Variants in FLVCR2 observed in about 807,000 individuals in gnomAD.
FLVCR2 encodes choline/ethanolamine transporter FLVCR2.
Under a neutral mutation model 48.9 loss-of-function variants are expected in FLVCR2, and 38 were observed. That is an observed-to-expected ratio of 0.78 (90% CI 0.60 to 1.02). The LOEUF is 1.02. FLVCR2 is among the 50% of genes least tolerant of loss of function. The pLI is 0.00. For missense variants in FLVCR2, 664 were observed against 663.3 expected (o/e 1.00, Z -0.01); for synonymous variants, 255 against 257.0 (o/e 0.99, Z 0.07).
At chr14:75,616,258 C>T (rs956916609) in intron 1 of FLVCR2, among the ~76,000 whole-genome samples, 7 of 149,014 alleles carry the variant, frequency 4.7e-5, no homozygotes, top group African/African-American at 1.5e-4. Context: ...ACCCAGGAGG[C>T]GGAGGTTGCA....
chr14:75,624,709 G>C lies in FLVCR2; in HGVS notation c.909G>C (p.Arg303=), dbSNP rs200387124. 2.2e-5 allele frequency: 36 copies of C among 1,614,072 alleles called. No homozygotes were observed. The East Asian group carries it at 7.1e-4, about 32-fold the overall frequency. The stretch of plus-strand genomic sequence containing the variant: ...CCTCATACTTAGGTTCCATCGCCCG[G>C]CTCTTCAAAAATCTCAACTTTGTGC... ...PDASYLGSIA[R]LFKNLNFVLL... is the part of the protein sequence containing the mutation. Residue 303 remains arginine, a synonymous_variant, in exon 3 of 10, where the codon CGG becomes CGC. Transcript: ENST00000238667.
intron 1 of FLVCR2, among the ~76,000 whole-genome samples, chr14:75,599,141 C>T (rs2140015994): frequency 6.6e-6 from 1 of 152,268 alleles, no homozygotes. Flanking sequence ...CAAGCCCACC[C>T]AACCAAGAAA....
intron 1 of FLVCR2, among the ~76,000 whole-genome samples, chr14:75,599,890 A>G (rs1394858485): frequency 6.6e-6 from 1 of 152,240 alleles, no homozygotes; most frequent in Non-Finnish European, 1.5e-5. Flanking sequence ...GGTGTTGGGA[A>G]AACTGGATAA....
At chr14:75,581,837 C>T (rs1888617070) in intron 1 of FLVCR2, among the ~76,000 whole-genome samples, 3 of 152,116 alleles carry the variant, frequency 2.0e-5, no homozygotes, top group Admixed American at 2.0e-4. Context: ...GAAGTGATTT[C>T]CTTTAGGATA....
intron 1 of FLVCR2, among the ~76,000 whole-genome samples, chr14:75,606,501 A>C (rs1414152443): frequency 1.3e-5 from 2 of 152,132 alleles, no homozygotes; most frequent in Non-Finnish European, 2.9e-5. Context: ...CTCTGCTGAG[A>C]AGCTAGACAG....
chr14:75,596,190 G>C (rs112062209), intron 1 of FLVCR2: 5 of 722,794 alleles, frequency 6.9e-6, no homozygotes. Context: ...AGTGTGGATA[G>C]TTACTGTGTC....
At chr14:75,625,344 T>C (rs546227824) in intron 3 of FLVCR2, among the ~76,000 whole-genome samples, 3 of 152,096 alleles carry the variant, frequency 2.0e-5, no homozygotes, top group Admixed American at 2.0e-4. Context: ...TTTCATTTGC[T>C]TGGCTCTTGG....
At chr14:75,610,299 T>C (rs1182851713) in intron 1 of FLVCR2, among the ~76,000 whole-genome samples, 1 of 152,174 alleles carries the variant, frequency 6.6e-6, no homozygotes, top group Non-Finnish European at 1.5e-5. Flanking sequence ...GCTGGCCCTT[T>C]GTGGAGTTCA....
intron 1 of FLVCR2, among the ~76,000 whole-genome samples, chr14:75,619,118 G>A (rs1157077933): frequency 2.6e-5 from 4 of 152,054 alleles, no homozygotes; most frequent in Admixed American, 2.6e-4. Context: ...CAGCTACTTG[G>A]GAGGCTGAGG....
In FLVCR2 at chr14:75,624,467, G is replaced by A. The variant is rs558284016; in HGVS notation, c.812-145G>A. The A allele has an allele frequency of 5.4e-6, 5 of 918,992 alleles. No homozygotes were observed. The South Asian group carries it at 6.8e-5, about 12-fold the overall frequency. The allele number at this position is 918,992 out of a possible 1,614,324, so 56.9% of individuals were successfully genotyped here. A position where few individuals can be genotyped will look rare whatever the true frequency, so the allele number is the denominator to read the frequency against. The stretch of plus-strand genomic sequence containing the variant: ...GAGAAGCAGCTTCAAGAAGGGGGCT[G>A]TTAAGGGTTTAATTAAAGAATTACT... On this transcript the variant is annotated intron_variant, in intron 2 of 9. Coordinates refer to ENST00000238667, the MANE Select transcript of FLVCR2 (RefSeq NM_017791.3).
In FLVCR2 at chr14:75,603,854, G is replaced by A. The variant is rs904620245; in HGVS notation, c.670-18225G>A. On this transcript the variant is annotated intron_variant, in intron 1 of 9. Coordinates refer to ENST00000238667, the MANE Select transcript of FLVCR2 (RefSeq NM_017791.3). Reference sequence around the variant, plus strand: ...GGTTGAGAACTGAGGGCTAAGTGAGGCACCCCTGTCATGAAGCCCACAAAG... The same window carrying A: ...GGTTGAGAACTGAGGGCTAAGTGAGACACCCCTGTCATGAAGCCCACAAAG... Among the ~76,000 whole-genome samples the A allele has an allele frequency of 2.0e-5, 3 of 152,140 alleles. No homozygotes were observed. The East Asian group carries it at 5.8e-4, about 29-fold the overall frequency.
At chr14:75,633,763 C>T in intron 4 of FLVCR2, 67 bp downstream of exon 4, 1 of 1,211,206 alleles carries the variant, frequency 8.3e-7, no homozygotes, top group Non-Finnish European at 1.2e-6. Context: ...CTTGGCAGGA[C>T]CTGGGATGAC....
At chr14:75,624,563 G>A (rs749379076) in intron 2 of FLVCR2, 49 bp from the exon 3 acceptor site, 4 of 1,612,360 alleles carry the variant, frequency 2.5e-6, no homozygotes, top group South Asian at 1.1e-5. Context: ...CAGCTCTTCT[G>A]GGGTGGGACC....
intron 4 of FLVCR2, 122 bp from the exon 5 acceptor site, chr14:75,634,788 C>G: frequency 1.4e-6 from 1 of 706,660 alleles, no homozygotes; most frequent in Non-Finnish European, 2.6e-6. Context: ...CCGATATGTT[C>G]TGAATATTGA....
chr14:75,601,665 G>A (rs911294428), intron 1 of FLVCR2, among the ~76,000 whole-genome samples: 5 of 152,154 alleles, frequency 3.3e-5, no homozygotes, highest in Admixed American at 6.5e-5. Flanking sequence ...ATATGATCCA[G>A]CAATTCCACT....
chr14:75,626,958 G>T (rs1889914510), intron 3 of FLVCR2, among the ~76,000 whole-genome samples: 1 of 151,912 alleles, frequency 6.6e-6, no homozygotes, highest in African/African-American at 2.4e-5. Context: ...GTGATAACTG[G>T]GCAATGGTCC....
chr14:75,584,690 T>C (rs974280388), intron 1 of FLVCR2, among the ~76,000 whole-genome samples: 1 of 152,216 alleles, frequency 6.6e-6, no homozygotes, highest in Non-Finnish European at 1.5e-5. Flanking sequence ...GTCTGGCTCG[T>C]GAAGCCGGCA....
chr14:75,626,327 T>C (rs1189774077), intron 3 of FLVCR2, among the ~76,000 whole-genome samples: 2 of 151,966 alleles, frequency 1.3e-5, no homozygotes, highest in African/African-American at 2.4e-5. Context: ...CTGTAATTGC[T>C]GATGTTCCTT....
intron 1 of FLVCR2, among the ~76,000 whole-genome samples, chr14:75,582,247 C>A (rs762823357): frequency 2.0e-5 from 3 of 152,072 alleles, no homozygotes; most frequent in Non-Finnish European, 2.9e-5. Context: ...GATGGAGGAC[C>A]CTTGCATAGT....
Sources: gnomAD v4.1 joint callset for allele counts (sites outside exome capture counted in the v4.1 genomes callset) on GRCh38, gnomAD v4.1.1 for gene constraint, MANE v1.5 for transcripts, NCBI Gene and HGNC (gene_info 2026-07-23, HGNC 2026-07-21) for gene names.